The following CBX7 variants were observed in gnomAD, a reference collection of about 807,000 sequenced individuals.
CBX7 encodes chromobox 7.
Under a neutral mutation model 31.4 loss-of-function variants are expected in CBX7, and 14 were observed. The ratio of observed to expected loss-of-function variants is 0.45; its 90% CI spans 0.29 to 0.70. CBX7 has a LOEUF of 0.70. Ranked by LOEUF, CBX7 falls within the 30% of genes least tolerant of loss-of-function variation. The pLI, the probability that CBX7 is intolerant of heterozygous loss-of-function variation, is 0.11. For synonymous variants in CBX7, 159 were observed against 152.6 expected, an observed-to-expected ratio of 1.04 and a Z score of -0.31; for missense variants, 269 against 351.9, an observed-to-expected ratio of 0.76 and a Z score of 1.89.
At position 39,152,300 on chromosome 22, in the gene CBX7, C is replaced by A. The variant is rs1569113978; in HGVS notation, c.69+76G>T. The A allele has an allele frequency of 1.1e-5, 11 of 1,003,458 alleles. No homozygotes were observed. Among genetic ancestry groups the A allele is most frequent in the Non-Finnish European group, 1.3e-5 (10 of 771,462 alleles). The allele number at this position is 1,003,458 out of a possible 1,614,324, so 62.2% of individuals were successfully genotyped here. A position where few individuals can be genotyped will look rare whatever the true frequency, so the allele number is the denominator to read the frequency against. On this transcript the variant is annotated intron_variant, in intron 1 of 5. Transcript: ENST00000216133. This position sits in a 1 kb window ranked among gnomAD's most constrained non-coding sequence, Gnocchi z 4.9. ...CCGCGCCCCGCTTTCCCCTTCAGCC[C>A]CAGCGTGGAGGGAGCGGTGCTGGGG...
In CBX7 at chr22:39,132,411, T is replaced by G. The variant is rs1217063842; in HGVS notation, c.*1480A>C. On this transcript the variant is annotated 3_prime_UTR_variant, in exon 6 of 6. Coordinates refer to ENST00000216133, the MANE Select transcript of CBX7 (RefSeq NM_175709.5). ...AGGAAAGACAGGGGAGCCGGCCTTT[T>G]CCATGCTCCCCTTGGGCCCCCCAAT... 6.6e-6 allele frequency: 1 copy of G among 152,314 alleles called. No homozygotes were observed. The highest frequency in any genetic ancestry group is 1.5e-5 in the Non-Finnish European group (1 of 68,142). 9.4% of individuals were successfully genotyped at this position (152,314 alleles called of 1,614,324 possible).
intron 1 of CBX7, among the ~76,000 whole-genome samples, 158 bp from the exon 2 acceptor site, chr22:39,149,990 C>T (rs961552852): frequency 6.6e-6 from 1 of 152,180 alleles, no homozygotes; most frequent in Non-Finnish European, 1.5e-5. Flanking sequence ...CCACCAGATC[C>T]TCGCCAACCC....
chr22:39,144,533 G>A (rs1433038861), intron 2 of CBX7, among the ~76,000 whole-genome samples: 3 of 152,032 alleles, frequency 2.0e-5, no homozygotes, highest in Non-Finnish European at 4.4e-5. Context: ...GGGGCTCTGG[G>A]AAGGGCTGGG....
At position 39,152,213 on chromosome 22, in the gene CBX7, G is replaced by A. The variant is rs1163146179; in HGVS notation, c.69+163C>T. 6.6e-6 allele frequency among the ~76,000 whole-genome samples: 1 copy of A among 152,110 alleles called. No individual in the cohort carries two copies. Among genetic ancestry groups the A allele is most frequent in the East Asian group, 1.9e-4 (1 of 5,162 alleles). On this transcript the variant is annotated intron_variant, in intron 1 of 5. Coordinates refer to ENST00000216133, the MANE Select transcript of CBX7 (RefSeq NM_175709.5). The surrounding 1 kb of genome is among the most constrained non-coding windows in gnomAD (Gnocchi z 4.9). ...TTTTGTTCTACTCGCCCTACACGGTGGCAGGGAAACTGAGGCACGGGCTGG... is the reference window on the plus strand; with the variant it reads ...TTTTGTTCTACTCGCCCTACACGGTAGCAGGGAAACTGAGGCACGGGCTGG...
intron 3 of CBX7, among the ~76,000 whole-genome samples, chr22:39,139,607 G>A (rs1193617400): frequency 1.3e-5 from 2 of 151,004 alleles, no homozygotes; most frequent in Non-Finnish European, 2.9e-5. Flanking sequence ...GGAGGCTGAG[G>A]CAGGAGAATG....
intron 3 of CBX7, 169 bp downstream of exon 3, chr22:39,141,202 T>A: frequency 1.8e-6 from 1 of 566,630 alleles, no homozygotes; most frequent in Non-Finnish European, 3.1e-6. Context: ...GGTCCTCAGC[T>A]GCCCTGGGAC....
intron 4 of CBX7, chr22:39,135,225 C>T (rs1291861485): frequency 1.9e-5 from 3 of 157,682 alleles, no homozygotes; most frequent in African/African-American, 7.2e-5. Context: ...GCCAGCAGCA[C>T]ACACAGCCCC....
At chr22:39,136,147 G>C (rs1209701802) in intron 4 of CBX7, 1 of 151,934 alleles carries the variant, frequency 6.6e-6, no homozygotes, top group East Asian at 1.9e-4. Flanking sequence ...TGCAAGGCAG[G>C]GTCTTCTACG....
At chr22:39,138,169 C>T (rs1048706403) in intron 4 of CBX7, among the ~76,000 whole-genome samples, 7 of 138,192 alleles carry the variant, frequency 5.1e-5, no homozygotes, top group Non-Finnish European at 9.1e-5. Context: ...AGCGACAGAG[C>T]GAGACTCCGT....
intron 3 of CBX7, among the ~76,000 whole-genome samples, chr22:39,140,310 C>A (rs2146359078): frequency 6.6e-6 from 1 of 152,318 alleles, no homozygotes; most frequent in East Asian, 1.9e-4. Context: ...TGATACCTGT[C>A]CACTGCTCTC....
intron 1 of CBX7, among the ~76,000 whole-genome samples, chr22:39,151,940 G>A (rs557441823): frequency 3.9e-5 from 6 of 152,258 alleles, no homozygotes; most frequent in South Asian, 2.1e-4. Context: ...AACTTCAGAG[G>A]CCGGAGGAGA....
chr22:39,141,250 TG>T, intron 3 of CBX7, 120 bp downstream of exon 3: 1 of 742,578 alleles, frequency 1.3e-6, no homozygotes, highest in Non-Finnish European at 2.2e-6. Context: ...CAGGCTGGGC[TG>T]GCCTGCCCCA....
chr22:39,141,743 T>TA (rs139392), intron 2 of CBX7, among the ~76,000 whole-genome samples: 4,106 of 122,340 alleles, frequency 0.034, 112 homozygotes, highest in African/African-American at 0.086. Context: ...AGTAAGACTC[T>TA]AAAAAAAAAA....
At chr22:39,151,641 C>T (rs895932947) in intron 1 of CBX7, among the ~76,000 whole-genome samples, 2 of 152,200 alleles carry the variant, frequency 1.3e-5, no homozygotes, top group East Asian at 1.9e-4. Flanking sequence ...TAGGCGAGCC[C>T]CCTCGCCAAA....
At chr22:39,144,021 G>A (rs1448522942) in intron 2 of CBX7, among the ~76,000 whole-genome samples, 2 of 152,232 alleles carry the variant, frequency 1.3e-5, no homozygotes, top group African/African-American at 4.8e-5. Context: ...AAGGCAATGG[G>A]CGTTAGCGAG....
intron 3 of CBX7, among the ~76,000 whole-genome samples, chr22:39,139,372 C>G (rs552579137): frequency 1.4e-4 from 22 of 152,198 alleles, no homozygotes; most frequent in South Asian, 4.1e-4. Context: ...ATCACTTAAG[C>G]TCAGGAGTTT....
chr22:39,139,280 T>C (rs1346146502), intron 3 of CBX7, among the ~76,000 whole-genome samples: 2 of 152,052 alleles, frequency 1.3e-5, no homozygotes, highest in South Asian at 2.1e-4. Context: ...TTCCCATGTA[T>C]CAAAAACACA....
At chr22:39,146,262 G>C (rs1037892915) in intron 2 of CBX7, among the ~76,000 whole-genome samples, 2 of 152,258 alleles carry the variant, frequency 1.3e-5, no homozygotes, top group Admixed American at 6.5e-5. Flanking sequence ...AAATAAGCCT[G>C]AGTTAAATCA....
chr22:39,144,234 G>C (rs1406020169), intron 2 of CBX7, among the ~76,000 whole-genome samples: 1 of 152,162 alleles, frequency 6.6e-6, no homozygotes, highest in South Asian at 2.1e-4. Flanking sequence ...CTATGGGCTC[G>C]CAGTGAAGCC....
Sources: allele counts gnomAD v4.1 joint callset (sites outside exome capture counted in the v4.1 genomes callset), GRCh38; gene constraint gnomAD v4.1.1; non-coding constraint Gnocchi (gnomAD v3.1); transcripts MANE v1.5; gene names NCBI Gene and HGNC (gene_info 2026-07-23, HGNC 2026-07-21).